The following RBM26 variants were observed in gnomAD, a reference collection of about 807,000 sequenced individuals.
RBM26 encodes RNA binding motif protein 26.
In RBM26, 30 loss-of-function variants were observed where a neutral mutation model predicts 123.6. That is an observed-to-expected ratio of 0.24 (90% confidence interval 0.18 to 0.33). The LOEUF (loss-of-function observed/expected upper bound fraction) is 0.33. RBM26 is among the 10% of genes least tolerant of loss of function. The pLI is 1.00. For synonymous variants in RBM26, 400 were observed against 404.4 expected (o/e 0.99, Z 0.13); for missense variants, 947 against 1,203.6 (o/e 0.79, Z 3.15).
In RBM26 at chr13:79,393,132, C is replaced by CA. The variant is rs2078246781; in HGVS notation, c.71+12571dup. 3.3e-5 allele frequency among the ~76,000 whole-genome samples: 5 copies of CA among 152,312 alleles called. No homozygotes were observed. In the South Asian group the frequency reaches 1.0e-3, roughly 32 times the overall value. On this transcript the variant is annotated intron_variant, in intron 1 of 21. Coordinates refer to ENST00000438737, the MANE Select transcript of RBM26 (RefSeq NM_001366735.2). ...CAAGGAACTACTAGCTTCCAGCTAA[C>CA]AAAGTCTGAGTGTAGAGCACAAGGG... is the stretch of plus-strand genomic sequence containing the variant.
At chr13:79,342,860 A>T (rs758774158) in intron 16 of RBM26, 29 bp from the exon 17 acceptor site, 1 of 1,384,914 alleles carries the variant, frequency 7.2e-7, no homozygotes, top group South Asian at 1.2e-5. Context: ...GAGAAAAATA[A>T]AGCTAATTAC....
In RBM26 at chr13:79,362,908, G is replaced by T. The variant is rs906173051; in HGVS notation, c.1417+2670C>A. On this transcript the variant is annotated intron_variant, in intron 9 of 21. Transcript: ENST00000438737. Reference sequence around the variant, plus strand: ...TCCTCTTGGTATATACTCAGCAAATGATCTAATATTAAATAGTTTTATGTA... The same window carrying T: ...TCCTCTTGGTATATACTCAGCAAATTATCTAATATTAAATAGTTTTATGTA... Among the ~76,000 whole-genome samples the T allele has an allele frequency of 3.3e-5, 5 of 152,228 alleles. No homozygotes were observed. The East Asian group carries it at 9.6e-4, about 29-fold the overall frequency.
rs769463576 is a variant in RBM26 at position 79,405,821 on chromosome 13, G to A, written c.-47C>T. The stretch of plus-strand genomic sequence containing the variant: ...TCACACTCCTCCGCCCGCCCAGGTC[G>A]CGGCCGCTACAGCCGCCGCTGCCCC... On this transcript the variant is annotated 5_prime_UTR_variant, in exon 1 of 22. Coordinates refer to ENST00000438737, the MANE Select transcript of RBM26 (RefSeq NM_001366735.2). 4 of 1,300,744 alleles carry A rather than the reference G, an allele frequency of 3.1e-6. No individual in the cohort carries two copies. The highest frequency in any genetic ancestry group is 2.8e-5 in the East Asian group (1 of 35,454). 80.6% of individuals were successfully genotyped at this position (1,300,744 alleles called of 1,614,324 possible). A position where few individuals can be genotyped will look rare whatever the true frequency, so the allele number is the denominator to read the frequency against.
intron 21 of RBM26, 22 bp from the exon 22 acceptor site, chr13:79,320,732 G>A (rs772787386): frequency 1.4e-6 from 2 of 1,401,402 alleles, no homozygotes; most frequent in Admixed American, 3.0e-5. Context: ...AATGTATTTA[G>A]GAATTTACCC....
chr13:79,357,606 T>A (rs998056938), intron 11 of RBM26, among the ~76,000 whole-genome samples: 4 of 152,124 alleles, frequency 2.6e-5, no homozygotes, highest in Non-Finnish European at 5.9e-5. Flanking sequence ...TTACAAGGTA[T>A]CTGGGCCCCA....
intron 9 of RBM26, among the ~76,000 whole-genome samples, chr13:79,365,316 G>C (rs774731131): frequency 3.9e-5 from 6 of 152,072 alleles, no homozygotes; most frequent in Admixed American, 6.6e-5. Context: ...ATGGTGGCAG[G>C]CACTTGTGAT....
rs1190333055 is a variant in RBM26 at position 79,366,213 on chromosome 13, T to C, written c.1136-18A>G. The C allele has an allele frequency of 6.2e-7, 1 of 1,604,230 alleles. No homozygotes were observed. The highest frequency in any genetic ancestry group is 1.7e-5 in the Admixed American group (1 of 57,440). On this transcript the variant is annotated intron_variant, in intron 7 of 21. Coordinates refer to ENST00000438737, the MANE Select transcript of RBM26 (RefSeq NM_001366735.2). ...TGGTGGTCCTGTCAAAACCAAAGAA[T>C]AAGAAATATCATCTGAAAGCAAACA...
intron 9 of RBM26, among the ~76,000 whole-genome samples, chr13:79,363,394 G>A (rs2074926813): frequency 6.6e-6 from 1 of 152,136 alleles, no homozygotes; most frequent in Non-Finnish European, 1.5e-5. Flanking sequence ...CACATGGTGG[G>A]AGGAGGGAGA....
intron 1 of RBM26, among the ~76,000 whole-genome samples, chr13:79,390,089 CAGAA>C (rs2077819654): frequency 6.6e-6 from 1 of 152,004 alleles, no homozygotes; most frequent in Admixed American, 6.6e-5. Flanking sequence ...ATATGAGAAT[CAGAA>C]AGGAATAAGA....
chr13:79,331,505 G>C (rs1466029020), intron 20 of RBM26, among the ~76,000 whole-genome samples: 2 of 151,056 alleles, frequency 1.3e-5, no homozygotes, highest in Non-Finnish European at 2.9e-5. Context: ...GTGGTGGCAG[G>C]CACCTCTAGT....
At chr13:79,360,882 T>C (rs1019132719) in intron 9 of RBM26, among the ~76,000 whole-genome samples, 7 of 152,038 alleles carry the variant, frequency 4.6e-5, no homozygotes, top group Admixed American at 1.3e-4. Flanking sequence ...CATAGAAAAA[T>C]GTAACTTAAA....
chr13:79,388,647 C>G (rs1055852287), intron 1 of RBM26, among the ~76,000 whole-genome samples: 23 of 152,162 alleles, frequency 1.5e-4, no homozygotes, highest in Admixed American at 1.4e-3. Flanking sequence ...AATGTCATCA[C>G]AGGCATCCAA....
intron 11 of RBM26, among the ~76,000 whole-genome samples, chr13:79,356,873 A>T (rs1360555350): frequency 2.0e-5 from 3 of 152,240 alleles, no homozygotes; most frequent in African/African-American, 7.2e-5. Flanking sequence ...GCTTTAAAAA[A>T]AATTTTAAAT....
rs1374036889 is a variant in RBM26 at position 79,337,213 on chromosome 13, T to TCGCCCC, written c.2616_2621dup (p.Arg878_Gly879dup). On this transcript the variant is annotated inframe_insertion, in exon 19 of 22. Transcript: ENST00000438737. ...GACCAGGCACACCTCGCCCTCGCCC[T>TCGCCCC]CGCCCCCTGCCTCGGCCATGAACTG... 2 of 1,614,072 alleles carry TCGCCCC rather than the reference T, an allele frequency of 1.2e-6. No homozygotes were observed.
chr13:79,400,115 T>A (rs1412106905), intron 1 of RBM26, among the ~76,000 whole-genome samples: 1 of 152,180 alleles, frequency 6.6e-6, no homozygotes, highest in Admixed American at 6.5e-5. Flanking sequence ...AGGGAGACAG[T>A]CTTTAATCAG....
intron 20 of RBM26, among the ~76,000 whole-genome samples, chr13:79,327,691 G>A (rs1443453938): frequency 6.6e-6 from 1 of 151,992 alleles, no homozygotes; most frequent in Non-Finnish European, 1.5e-5. Context: ...TGGAACAAAA[G>A]ATCTCATTTA....
At chr13:79,362,151 G>T (rs1324401781) in intron 9 of RBM26, among the ~76,000 whole-genome samples, 1 of 151,996 alleles carries the variant, frequency 6.6e-6, no homozygotes, top group Non-Finnish European at 1.5e-5. Context: ...TGCCCCAGGG[G>T]GACAAGAAGT....
Position 79,320,463 on chromosome 13 carries a change from A to T in RBM26, c.*158T>A. 8.0e-7 allele frequency: 1 copy of T among 1,252,478 alleles called. No individual in the cohort carries two copies. Among genetic ancestry groups the T allele is most frequent in the Non-Finnish European group, 1.0e-6 (1 of 994,448 alleles). 77.6% of individuals were successfully genotyped at this position (1,252,478 alleles called of 1,614,324 possible). On this transcript the variant is annotated 3_prime_UTR_variant, in exon 22 of 22. Coordinates refer to ENST00000438737, the MANE Select transcript of RBM26 (RefSeq NM_001366735.2). ...GCAAACATCAATCTTTCAAAATACA[A>T]GATCAGAAGGTAGTTTTCTTCTTTT...
At chr13:79,359,023 T>C (rs2074353456) in intron 10 of RBM26, among the ~76,000 whole-genome samples, 1 of 152,216 alleles carries the variant, frequency 6.6e-6, no homozygotes, top group South Asian at 2.1e-4. Context: ...ATTAAGTAGA[T>C]GTTAAAGCTC....
Sources: allele counts gnomAD v4.1 joint callset (sites outside exome capture counted in the v4.1 genomes callset), GRCh38; gene constraint gnomAD v4.1.1; transcripts MANE v1.5; gene names NCBI Gene and HGNC (gene_info 2026-07-23, HGNC 2026-07-21).